NFYC: variants seen among roughly 807,000 people sequenced by gnomAD.
NFYC encodes nuclear transcription factor Y subunit gamma.
NFYC carries 25 observed loss-of-function variants against 53.1 expected under a neutral mutation model. That is an observed-to-expected ratio of 0.47 (90% CI 0.34 to 0.66). NFYC has a LOEUF of 0.66. Ranked by LOEUF, NFYC falls within the 30% of genes least tolerant of loss-of-function variation. NFYC has a pLI of 0.01. For missense variants in NFYC, 260 were observed against 422.7 expected (o/e 0.62, Z 3.38); for synonymous variants, 145 against 152.6 (o/e 0.95, Z 0.37).
At chr1:40,757,925 A>G (rs1196919667) in intron 5 of NFYC, 196 bp from the exon 6 acceptor site, 5 of 617,184 alleles carry the variant, frequency 8.1e-6, no homozygotes, top group African/African-American at 1.8e-5. Context: ...TGTGAAGCCT[A>G]TAGGATCTGT....
At position 40,696,407 on chromosome 1, in the gene NFYC, GA is replaced by G. The variant is rs200844090; in HGVS notation, c.-9+4547del. Among the ~76,000 whole-genome samples the G allele has an allele frequency of 5.0e-3, 759 of 152,202 alleles. 5 individuals are homozygous for G. The highest frequency in any genetic ancestry group is 0.018 in the African/African-American group (735 of 41,534). Reference sequence around the variant, plus strand: ...GACACCATAGAATGTTATGGGAAAAGAAAAAAAGTCCTGGCTTCTTAGCTCA... The same window carrying G: ...GACACCATAGAATGTTATGGGAAAAGAAAAAAGTCCTGGCTTCTTAGCTCA... On this transcript the variant is annotated intron_variant, in intron 1 of 9. Coordinates refer to ENST00000447388, the MANE Select transcript of NFYC (RefSeq NM_014223.5).
At chr1:40,714,795 T>G (rs1036848705) in intron 1 of NFYC, among the ~76,000 whole-genome samples, 2 of 152,076 alleles carry the variant, frequency 1.3e-5, no homozygotes, top group Non-Finnish European at 2.9e-5. Context: ...AAAAAAATTT[T>G]GAGGGCAGGG....
chr1:40,736,564 A>T (rs1645036097), intron 1 of NFYC, among the ~76,000 whole-genome samples: 1 of 152,164 alleles, frequency 6.6e-6, no homozygotes, highest in African/African-American at 2.4e-5. Flanking sequence ...CTTTTCAAAT[A>T]ATTCCTCAGA....
chr1:40,709,442 G>A (rs1389334618), intron 1 of NFYC: 1 of 152,228 alleles, frequency 6.6e-6, no homozygotes, highest in Non-Finnish European at 1.5e-5. Flanking sequence ...TTTGTTGGGG[G>A]GTGGGAGGAC....
At chr1:40,727,460 C>T (rs1211609726) in intron 1 of NFYC, among the ~76,000 whole-genome samples, 1 of 151,820 alleles carries the variant, frequency 6.6e-6, no homozygotes, top group Non-Finnish European at 1.5e-5. Context: ...TGAGCTAAAG[C>T]AGTCCTCCCG....
intron 1 of NFYC, chr1:40,735,767 G>T (rs1480316778): frequency 1.0e-6 from 1 of 984,604 alleles, no homozygotes; most frequent in Non-Finnish European, 1.2e-6. Flanking sequence ...TTCTTTTAAA[G>T]CTTTTTGATA....
rs1646975145 is a variant in NFYC at position 40,769,409 on chromosome 1, T to C, written c.882T>C (p.Asp294=). 6.2e-7 allele frequency: 1 copy of C among 1,614,068 alleles called. No individual in the cohort carries two copies. Among genetic ancestry groups the C allele is most frequent in the African/African-American group, 1.3e-5 (1 of 75,032 alleles). The change falls in exon 9 of 10, where the codon GAT becomes GAC. Residue 294 remains aspartate (D), a synonymous_variant. Coordinates refer to ENST00000447388, the MANE Select transcript of NFYC (RefSeq NM_014223.5). The part of the protein sequence containing the change: ...QGQQQFSQFT[D]GQQLYQIQQV... ...AGCAGCAGTTCAGCCAGTTCACAGATGGACAGGTAGGGTACCCAACCTGGG... is the reference window on the plus strand; with the variant it reads ...AGCAGCAGTTCAGCCAGTTCACAGACGGACAGGTAGGGTACCCAACCTGGG...
At chr1:40,748,892 T>C (rs1471822950) in intron 3 of NFYC, among the ~76,000 whole-genome samples, 3 of 152,054 alleles carry the variant, frequency 2.0e-5, no homozygotes, top group African/African-American at 7.2e-5. Flanking sequence ...TCACCCAGAG[T>C]GATAGGACCA....
chr1:40,691,826 G>A lies in NFYC; in HGVS notation c.-50G>A, dbSNP rs1642810413. 3 of 437,234 alleles carry A rather than the reference G, an allele frequency of 6.9e-6. No individual in the cohort carries two copies. The highest frequency in any genetic ancestry group is 2.5e-5 in the Admixed American group (1 of 40,294). The allele number at this position is 437,234 out of a possible 1,614,324, so 27.1% of individuals were successfully genotyped here. ...CTCTGCATTGCCCGACTCCGTAGGAGCGCGGGGGCGGCTCCTGCTCTTCCT... is the reference window on the plus strand; with the variant it reads ...CTCTGCATTGCCCGACTCCGTAGGAACGCGGGGGCGGCTCCTGCTCTTCCT... On this transcript the variant is annotated 5_prime_UTR_variant, in exon 1 of 10. Transcript: ENST00000447388.
chr1:40,702,863 C>T (rs1643505901), intron 1 of NFYC, among the ~76,000 whole-genome samples: 1 of 152,066 alleles, frequency 6.6e-6, no homozygotes, highest in Non-Finnish European at 1.5e-5. Flanking sequence ...GTTGCCCAGG[C>T]CGGAGTGCAG....
Position 40,767,843 on chromosome 1 carries a change from G to A in NFYC, c.828+1140G>A, listed in dbSNP as rs554727609. 8.5e-5 allele frequency among the ~76,000 whole-genome samples: 13 copies of A among 152,278 alleles called. No homozygotes were observed. In the South Asian group the frequency reaches 2.7e-3, roughly 32 times the overall value. On this transcript the variant is annotated intron_variant, in intron 8 of 9. Transcript: ENST00000447388. Reference sequence around the variant, plus strand: ...AATACAAAATTAGCTGGGCGTGGTGGTGCATGCCTGTCATCCCAGCTACTT... The same window carrying A: ...AATACAAAATTAGCTGGGCGTGGTGATGCATGCCTGTCATCCCAGCTACTT...
intron 1 of NFYC, among the ~76,000 whole-genome samples, chr1:40,699,975 G>T (rs557926302): frequency 6.6e-6 from 1 of 152,310 alleles, no homozygotes; most frequent in South Asian, 2.1e-4. Flanking sequence ...AGACTTACTT[G>T]GTCATGGACC....
chr1:40,755,781 TC>T (rs1213607502), intron 5 of NFYC, among the ~76,000 whole-genome samples: 20 of 152,294 alleles, frequency 1.3e-4, no homozygotes, highest in African/African-American at 4.6e-4. Context: ...ACTGTCTAGT[TC>T]ATAAACAGTT....
chr1:40,771,549 C>G lies in NFYC; in HGVS notation c.*721C>G. ...TAAATGCATTAAAAACTGTGCTAGT[C>G]TCCTTTGCATGGACTTCAAGCTGCA... On this transcript the variant is annotated 3_prime_UTR_variant, in exon 10 of 10. Transcript: ENST00000447388. 1 of 424,052 alleles carries G rather than the reference C, an allele frequency of 2.4e-6. No homozygotes were observed. Among genetic ancestry groups the G allele is most frequent in the Non-Finnish European group, 4.9e-6 (1 of 203,850 alleles). The allele number at this position is 424,052 out of a possible 1,614,324, so 26.3% of individuals were successfully genotyped here.
chr1:40,721,408 G>A (rs558182128), intron 1 of NFYC, among the ~76,000 whole-genome samples: 3 of 152,264 alleles, frequency 2.0e-5, no homozygotes, highest in South Asian at 2.1e-4. Flanking sequence ...CTTTTGCTTG[G>A]ATGGTGGGGC....
chr1:40,749,483 C>G, intron 3 of NFYC, 90 bp from the exon 4 acceptor site: 1 of 985,542 alleles, frequency 1.0e-6, no homozygotes, highest in Non-Finnish European at 1.6e-6. Flanking sequence ...GACCCTTGCC[C>G]CATAGTCCCA....
At chr1:40,760,309 A>G (rs1447178276) in intron 6 of NFYC, among the ~76,000 whole-genome samples, 1 of 152,166 alleles carries the variant, frequency 6.6e-6, no homozygotes, top group African/African-American at 2.4e-5. Context: ...GCTCACACCT[A>G]TAATCCCATC....
intron 1 of NFYC, among the ~76,000 whole-genome samples, chr1:40,703,490 A>AAAAAAAAAAAAAAAAAC (rs1432515329): frequency 2.0e-4 from 30 of 151,250 alleles, no homozygotes; most frequent in Non-Finnish European, 4.1e-4. Context: ...TAAAAAAAAA[A>AAAAAAAAAAAAAAAAAC]AAAAGAATAT....
chr1:40,717,382 G>GTT (rs1644176967), intron 1 of NFYC, among the ~76,000 whole-genome samples: 2 of 152,154 alleles, frequency 1.3e-5, no homozygotes, highest in South Asian at 4.2e-4. Flanking sequence ...TGGTTTTTTA[G>GTT]TATTAGTTTA....
Sources: gnomAD v4.1 joint callset for allele counts (sites outside exome capture counted in the v4.1 genomes callset) on GRCh38, gnomAD v4.1.1 for gene constraint, MANE v1.5 for transcripts, NCBI Gene and HGNC (gene_info 2026-07-23, HGNC 2026-07-21) for gene names.